The following DNER variants were observed in gnomAD, a reference collection of about 807,000 sequenced individuals.
The protein encoded by DNER is delta/notch like EGF repeat containing, also known as delta and Notch-like epidermal growth factor-related receptor.
In DNER, 33 loss-of-function variants were observed where a neutral mutation model predicts 78.2. That is an observed-to-expected ratio of 0.42 (90% CI 0.32 to 0.56). The LOEUF is 0.56. Among genes scored for constraint, DNER ranks in the 20% least tolerant of loss-of-function variants. The pLI is 0.11. For synonymous variants in DNER, 417 were observed against 384.8 expected, an observed-to-expected ratio of 1.08 and a Z score of -0.98; for missense variants, 918 against 975.3, an observed-to-expected ratio of 0.94 and a Z score of 0.78.
At chr2:229,630,721 T>C (rs533924618) in intron 1 of DNER, among the ~76,000 whole-genome samples, 4 of 152,176 alleles carry the variant, frequency 2.6e-5, no homozygotes, top group Non-Finnish European at 5.9e-5. Flanking sequence ...GTTTGGGGTA[T>C]GATTGATCCC....
intron 1 of DNER, among the ~76,000 whole-genome samples, chr2:229,673,623 T>C (rs919190614): frequency 2.0e-5 from 3 of 152,214 alleles, no homozygotes; most frequent in African/African-American, 7.2e-5. Flanking sequence ...CAGTGCACAC[T>C]GTTCCAGGAA....
At chr2:229,472,436 G>A (rs1694942780) in intron 7 of DNER, among the ~76,000 whole-genome samples, 1 of 151,898 alleles carries the variant, frequency 6.6e-6, no homozygotes, top group African/African-American at 2.4e-5. Context: ...TTAATTTATG[G>A]GTATTCTACT....
intron 7 of DNER, among the ~76,000 whole-genome samples, chr2:229,474,772 C>T (rs1299140559): frequency 6.6e-6 from 1 of 152,182 alleles, no homozygotes; most frequent in African/African-American, 2.4e-5. Flanking sequence ...GACTCGCTGC[C>T]TCACCCTCCC....
intron 4 of DNER, among the ~76,000 whole-genome samples, chr2:229,547,388 G>A (rs1226330233): frequency 3.3e-5 from 5 of 152,152 alleles, no homozygotes; most frequent in Admixed American, 2.6e-4. Context: ...CTTTGCTCCC[G>A]CCCTTGCCCT....
At chr2:229,691,432 G>T (rs1329694439) in intron 1 of DNER, among the ~76,000 whole-genome samples, 1 of 152,000 alleles carries the variant, frequency 6.6e-6, no homozygotes, top group Non-Finnish European at 1.5e-5. Flanking sequence ...AGATTAATCA[G>T]GCTCCTGTGT....
chr2:229,653,802 T>A (rs1050478309), intron 1 of DNER, among the ~76,000 whole-genome samples: 11 of 152,230 alleles, frequency 7.2e-5, no homozygotes, highest in African/African-American at 2.7e-4. Flanking sequence ...TTGTAAGCCT[T>A]AGGCCATCTG....
At chr2:229,450,718 G>A (rs778054585) in intron 7 of DNER, among the ~76,000 whole-genome samples, 2 of 152,212 alleles carry the variant, frequency 1.3e-5, no homozygotes, top group Non-Finnish European at 2.9e-5. Context: ...TGAGGAGGAA[G>A]CAAGAGGGTG....
chr2:229,369,422 T>C (rs186054940), intron 11 of DNER, among the ~76,000 whole-genome samples: 2,125 of 146,518 alleles, frequency 0.015, 125 homozygotes, highest in African/African-American at 0.053. Context: ...TCTAAAAAGT[T>C]AAACAAAAAG....
At chr2:229,649,448 A>G (rs1698773692) in intron 1 of DNER, among the ~76,000 whole-genome samples, 1 of 152,118 alleles carries the variant, frequency 6.6e-6, no homozygotes, top group Non-Finnish European at 1.5e-5. Context: ...TTAACAACCA[A>G]CTCTAGGGGG....
chr2:229,506,787 T>C (rs894150791), intron 6 of DNER, among the ~76,000 whole-genome samples: 2 of 151,930 alleles, frequency 1.3e-5, no homozygotes, highest in Non-Finnish European at 2.9e-5. Flanking sequence ...TCTGTCCTTG[T>C]GATAGTTTGC....
intron 9 of DNER, among the ~76,000 whole-genome samples, chr2:229,417,318 T>C (rs1359371965): frequency 6.6e-6 from 1 of 152,174 alleles, no homozygotes; most frequent in Admixed American, 6.5e-5. Flanking sequence ...GAGCAAGCGG[T>C]TGAATGAAAT....
intron 1 of DNER, among the ~76,000 whole-genome samples, chr2:229,660,289 C>T (rs1476711719): frequency 6.6e-5 from 10 of 152,128 alleles, no homozygotes. Flanking sequence ...CTCTACCCTC[C>T]AAAAGGCCCC....
chr2:229,453,505 A>AG (rs1209402318), intron 7 of DNER, among the ~76,000 whole-genome samples: 4 of 152,218 alleles, frequency 2.6e-5, no homozygotes, highest in African/African-American at 9.6e-5. Flanking sequence ...GATTCATCAT[A>AG]GGTATACATG....
chr2:229,437,291 T>C (rs1407990251), intron 8 of DNER, among the ~76,000 whole-genome samples: 1 of 152,256 alleles, frequency 6.6e-6, no homozygotes, highest in Non-Finnish European at 1.5e-5. Flanking sequence ...TGTATCAATC[T>C]GCTTCAGGCA....
intron 1 of DNER, among the ~76,000 whole-genome samples, chr2:229,647,662 C>A (rs1698742184): frequency 6.6e-6 from 1 of 152,112 alleles, no homozygotes; most frequent in Non-Finnish European, 1.5e-5. Context: ...AAATTGGAAA[C>A]AATTTCGAAG....
At chr2:229,427,890 C>G (rs1204150969) in intron 8 of DNER, among the ~76,000 whole-genome samples, 1 of 151,900 alleles carries the variant, frequency 6.6e-6, no homozygotes, top group African/African-American at 2.4e-5. Flanking sequence ...GCCTGACCAA[C>G]ATGGTGAAAT....
intron 7 of DNER, among the ~76,000 whole-genome samples, chr2:229,468,204 T>C (rs1694845166): frequency 6.6e-6 from 1 of 152,272 alleles, no homozygotes; most frequent in African/African-American, 2.4e-5. Context: ...ATTCAGTTCA[T>C]GGTTTGACTC....
chr2:229,390,113 T>C (rs951482972), intron 10 of DNER, among the ~76,000 whole-genome samples: 7 of 152,208 alleles, frequency 4.6e-5, no homozygotes, highest in Admixed American at 2.0e-4. Flanking sequence ...AGTATATATG[T>C]CAGTACTAAT....
Position 229,470,443 on chromosome 2 carries a change from T to A in DNER, c.1261+6697A>T, listed in dbSNP as rs376779221. Among the ~76,000 whole-genome samples, 5 of 152,172 alleles carry A rather than the reference T, an allele frequency of 3.3e-5. No individual in the cohort carries two copies. The East Asian group carries it at 7.7e-4, about 23-fold the overall frequency. ...ATGAAAAAAAGCAGGCAACTAAAATTCCTTGCTGCATTTTTATTTAAACAA... is the reference window on the plus strand; with the variant it reads ...ATGAAAAAAAGCAGGCAACTAAAATACCTTGCTGCATTTTTATTTAAACAA... On this transcript the variant is annotated intron_variant, in intron 7 of 12. Transcript: ENST00000341772.
Sources: allele counts gnomAD v4.1 joint callset (sites outside exome capture counted in the v4.1 genomes callset), GRCh38; gene constraint gnomAD v4.1.1; transcripts MANE v1.5; gene names NCBI Gene and HGNC (gene_info 2026-07-23, HGNC 2026-07-21).